CACNA1C: variants seen among roughly 807,000 people sequenced by gnomAD.
CACNA1C encodes the protein calcium voltage-gated channel subunit alpha1 C, also known as voltage-dependent L-type calcium channel subunit alpha-1C.
Under a neutral mutation model 229.0 loss-of-function variants are expected in CACNA1C, and 30 were observed. That is an observed-to-expected ratio of 0.13 (90% CI 0.10 to 0.18). CACNA1C has a LOEUF of 0.18. CACNA1C is among the 10% of genes least tolerant of loss of function. The pLI, the probability that CACNA1C is intolerant of heterozygous loss-of-function variation, is 1.00. For missense variants in CACNA1C, 1,658 were observed against 2,845.0 expected (o/e 0.58, Z 9.49); for synonymous variants, 1,114 against 1,132.5 (o/e 0.98, Z 0.33).
intron 1 of CACNA1C, chr12:2,004,137 A>G (rs1593483573): frequency 8.7e-7 from 1 of 1,151,284 alleles, no homozygotes; most frequent in African/African-American, 1.6e-5. Flanking sequence ...CCCCATCTCC[A>G]CAACTTCGGC....
intron 5 of CACNA1C, among the ~76,000 whole-genome samples, chr12:2,475,756 A>G (rs2099623727): frequency 1.4e-5 from 1 of 70,834 alleles, no homozygotes; most frequent in Non-Finnish European, 2.9e-5. Flanking sequence ...CATTTATGAA[A>G]TGTTTTTTTC....
intron 3 of CACNA1C, among the ~76,000 whole-genome samples, chr12:2,209,115 C>A (rs1002781519): frequency 3.3e-5 from 5 of 152,190 alleles, no homozygotes. Context: ...TAGCTATCAC[C>A]CCCCTGGTTC....
chr12:2,154,062 C>A (rs893830253), intron 3 of CACNA1C, among the ~76,000 whole-genome samples: 1 of 152,182 alleles, frequency 6.6e-6, no homozygotes, highest in African/African-American at 2.4e-5. Flanking sequence ...ACATTCCCGG[C>A]CTCTTCTCTC....
At chr12:2,625,517 GAC>G (rs925910838) in intron 29 of CACNA1C, among the ~76,000 whole-genome samples, 3 of 152,164 alleles carry the variant, frequency 2.0e-5, no homozygotes, top group South Asian at 2.1e-4. Context: ...GACCTTCTGT[GAC>G]ACAGGCTGCG....
intron 9 of CACNA1C, among the ~76,000 whole-genome samples, chr12:2,517,521 A>T (rs2099799685): frequency 6.6e-6 from 1 of 152,252 alleles, no homozygotes; most frequent in African/African-American, 2.4e-5. Context: ...AAAAGGGGCA[A>T]GAAAGGGGCA....
At chr12:2,106,292 C>G (rs1352816093) in intron 1 of CACNA1C, among the ~76,000 whole-genome samples, 1 of 54,822 alleles carries the variant, frequency 1.8e-5, no homozygotes, top group Non-Finnish European at 4.3e-5. Flanking sequence ...ATTTCTACCT[C>G]ATCTGGGGCG....
chr12:2,449,417 C>T (rs1023952578), intron 4 of CACNA1C, among the ~76,000 whole-genome samples: 2 of 152,182 alleles, frequency 1.3e-5, no homozygotes, highest in African/African-American at 4.8e-5. Flanking sequence ...CGTGAACTTC[C>T]GTGGTTCCAC....
chr12:2,657,169 T>C (rs1214025319), intron 34 of CACNA1C, among the ~76,000 whole-genome samples: 1 of 152,122 alleles, frequency 6.6e-6, no homozygotes, highest in Non-Finnish European at 1.5e-5. Context: ...AGCAGAGTAA[T>C]GATATGAGTA....
intron 3 of CACNA1C, among the ~76,000 whole-genome samples, chr12:2,149,541 G>A (rs1156440468): frequency 6.6e-6 from 1 of 152,234 alleles, no homozygotes; most frequent in African/African-American, 2.4e-5. Context: ...CATAGCAGTA[G>A]AGAGTGGGCT....
chr12:2,199,431 T>G (rs2097522678), intron 3 of CACNA1C, among the ~76,000 whole-genome samples: 1 of 152,118 alleles, frequency 6.6e-6, no homozygotes, highest in African/African-American at 2.4e-5. Flanking sequence ...GTAAATATAT[T>G]TTTTCTGCCT....
chr12:2,446,344 ATATG>A (rs1190869005), intron 3 of CACNA1C, among the ~76,000 whole-genome samples: 47 of 135,436 alleles, frequency 3.5e-4, no homozygotes, highest in African/African-American at 1.1e-3. Flanking sequence ...GTGGGTATAT[ATATG>A]TATGTATGTG....
At chr12:2,482,756 G>A (rs144721122) in intron 5 of CACNA1C, among the ~76,000 whole-genome samples, 57 of 152,142 alleles carry the variant, frequency 3.7e-4, no homozygotes, top group African/African-American at 1.2e-3. Context: ...CCTGTTTCTC[G>A]GACAGATAAG....
At chr12:2,668,861 C>A in intron 37 of CACNA1C, 72 bp from the exon 38 acceptor site, 1 of 968,394 alleles carries the variant, frequency 1.0e-6, no homozygotes, top group Non-Finnish European at 1.7e-6. Context: ...CCATATCACT[C>A]TGCCACGGTG....
At position 2,263,103 on chromosome 12, in the gene CACNA1C, G is replaced by GT. The variant is rs1601296663; in HGVS notation, c.477+142675dup. Among the ~76,000 whole-genome samples, 8 of 152,358 alleles carry GT rather than the reference G, an allele frequency of 5.3e-5. No homozygotes were observed. In the South Asian group the frequency reaches 1.5e-3, roughly 28 times the overall value. ...TTTTAATAGAGGGGTCAGGGAAGGT[G>GT]TTACTGTGAAGATAACGTTTGAGCA... On this transcript the variant is annotated intron_variant, in intron 3 of 46. Transcript: ENST00000399655.
chr12:2,212,547 T>A (rs1312560666), intron 3 of CACNA1C, among the ~76,000 whole-genome samples: 1 of 152,170 alleles, frequency 6.6e-6, no homozygotes, highest in African/African-American at 2.4e-5. Flanking sequence ...GAATAGAGAG[T>A]TAGATCAGGA....
intron 3 of CACNA1C, among the ~76,000 whole-genome samples, chr12:2,208,562 G>A (rs1407457832): frequency 2.0e-5 from 3 of 152,198 alleles, no homozygotes; most frequent in African/African-American, 4.8e-5. Context: ...CAGTGCATTG[G>A]AGGGAAGCTC....
intron 5 of CACNA1C, among the ~76,000 whole-genome samples, chr12:2,475,925 CTGTT>C (rs1259019285): frequency 6.6e-6 from 1 of 152,132 alleles, no homozygotes; most frequent in African/African-American, 2.4e-5. Flanking sequence ...AGTTGCATGG[CTGTT>C]TGTTTTGTGA....
intron 3 of CACNA1C, among the ~76,000 whole-genome samples, chr12:2,423,686 C>T (rs745378833): frequency 5.9e-5 from 9 of 152,142 alleles, no homozygotes; most frequent in Non-Finnish European, 1.0e-4. Flanking sequence ...CAGAAACTGA[C>T]CCCACAGTCT....
chr12:2,433,107 G>A lies in CACNA1C; in HGVS notation c.478-15869G>A, dbSNP rs995362130. Reference sequence around the variant, plus strand: ...CTGATGACTCTGCACCATATGGTAAGGGTGTCCAGGCTGCTGCTGGTGGGT... The same window carrying A: ...CTGATGACTCTGCACCATATGGTAAAGGTGTCCAGGCTGCTGCTGGTGGGT... On this transcript the variant is annotated intron_variant, in intron 3 of 46. Transcript: ENST00000399655. Among the ~76,000 whole-genome samples, 14 of 152,220 alleles carry A rather than the reference G, an allele frequency of 9.2e-5. 1 individual carries two copies. Among genetic ancestry groups the A allele is most frequent in the Admixed American group, 7.2e-4 (11 of 15,284 alleles).
Sources: allele counts gnomAD v4.1 joint callset (sites outside exome capture counted in the v4.1 genomes callset), GRCh38; gene constraint gnomAD v4.1.1; transcripts MANE v1.5; gene names NCBI Gene and HGNC (gene_info 2026-07-23, HGNC 2026-07-21).